PLA2R1: variants seen among roughly 807,000 people sequenced by gnomAD.
PLA2R1 encodes secretory phospholipase A2 receptor.
In PLA2R1, 158 loss-of-function variants were observed where a neutral mutation model predicts 195.9. That is an observed-to-expected ratio of 0.81 (90% CI 0.71 to 0.92). The LOEUF (loss-of-function observed/expected upper bound fraction) is 0.92, where lower values mean the gene tolerates loss of function less well. PLA2R1 is among the 40% of genes least tolerant of loss of function. PLA2R1 has a pLI of 0.00. For synonymous variants in PLA2R1, 586 were observed against 598.2 expected, an observed-to-expected ratio of 0.98 and a Z score of 0.30; for missense variants, 1,626 against 1,764.6, an observed-to-expected ratio of 0.92 and a Z score of 1.41.
chr2:159,986,038 T>C (rs1264298802), intron 12 of PLA2R1, among the ~76,000 whole-genome samples: 1 of 152,096 alleles, frequency 6.6e-6, no homozygotes, highest in African/African-American at 2.4e-5. Context: ...AAGTGGGGCA[T>C]GTGCAGACAA....
intron 1 of PLA2R1, among the ~76,000 whole-genome samples, chr2:160,047,757 G>A (rs909263566): frequency 4.0e-5 from 6 of 149,668 alleles, no homozygotes; most frequent in Middle Eastern, 3.4e-3. Context: ...GTGTAGATGC[G>A]GGAATGGCTG....
In PLA2R1 at chr2:160,054,940, G is replaced by C. The variant is rs72621701; in HGVS notation, c.109+7355C>G. ...GATTACATGAGGATTTGCAGCATTA[G>C]GATTGAGTTCAGAAGAGGCAACACA... On this transcript the variant is annotated intron_variant, in intron 1 of 29. Coordinates refer to ENST00000283243, the MANE Select transcript of PLA2R1 (RefSeq NM_007366.5). Among the ~76,000 whole-genome samples the C allele has an allele frequency of 8.0e-4, 122 of 152,260 alleles. No homozygotes were observed. The East Asian group carries it at 0.022, about 28-fold the overall frequency.
rs1693883953 is a variant in PLA2R1, at chr2:160,032,041, ACTGGCGTGAGCCACTGCAC to A, written c.841+899_841+917del. On this transcript the variant is annotated intron_variant, in intron 4 of 29. Coordinates refer to ENST00000283243, the MANE Select transcript of PLA2R1 (RefSeq NM_007366.5). ...CTTGGCCTCCCAAAGTGCTGGGATT[ACTGGCGTGAGCCACTGCAC>A]CTGGCTGCTGCCACGTTTTTATATA... Among the ~76,000 whole-genome samples the A allele has an allele frequency of 2.6e-5, 4 of 152,276 alleles. No homozygotes were observed. In the South Asian group the frequency reaches 8.3e-4, roughly 31 times the overall value.
At chr2:159,974,749 T>C (rs1689424334) in intron 17 of PLA2R1, among the ~76,000 whole-genome samples, 1 of 152,090 alleles carries the variant, frequency 6.6e-6, no homozygotes, top group Non-Finnish European at 1.5e-5. Context: ...CAACTGAGTG[T>C]CTATGGGACC....
chr2:159,979,947 C>T (rs747583433), intron 13 of PLA2R1, 33 bp from the exon 14 acceptor site: 7 of 1,328,998 alleles, frequency 5.3e-6, no homozygotes, highest in Non-Finnish European at 6.5e-6. Context: ...CTTTGCCTTT[C>T]CCATCAAATT....
chr2:160,044,651 G>T, intron 2 of PLA2R1, 123 bp downstream of exon 2: 1 of 773,188 alleles, frequency 1.3e-6, no homozygotes, highest in Non-Finnish European at 2.1e-6. Flanking sequence ...AATGTATTTA[G>T]CAGAAGTCCC....
intron 17 of PLA2R1, among the ~76,000 whole-genome samples, chr2:159,974,249 C>T (rs912308905): frequency 6.6e-6 from 1 of 152,112 alleles, no homozygotes; most frequent in Non-Finnish European, 1.5e-5. Context: ...CAGGCAGCAC[C>T]GTGTAGGGTT....
At chr2:159,991,131 A>C (rs1476843100) in intron 11 of PLA2R1, among the ~76,000 whole-genome samples, 1 of 152,206 alleles carries the variant, frequency 6.6e-6, no homozygotes, top group Non-Finnish European at 1.5e-5. Context: ...GAATAAATGA[A>C]TGAATGAGTT....
At chr2:159,997,980 T>C (rs1344384073) in intron 11 of PLA2R1, among the ~76,000 whole-genome samples, 2 of 152,084 alleles carry the variant, frequency 1.3e-5, no homozygotes, top group Admixed American at 6.6e-5. Flanking sequence ...ATCTCTCTCT[T>C]TTTTCTTTTT....
chr2:160,043,968 G>A (rs545311709), intron 2 of PLA2R1, among the ~76,000 whole-genome samples: 1 of 152,278 alleles, frequency 6.6e-6, no homozygotes, highest in African/African-American at 2.4e-5. Flanking sequence ...TGTAAACCAG[G>A]TGCCTAGTCC....
chr2:159,983,501 T>C (rs559467247), intron 13 of PLA2R1, among the ~76,000 whole-genome samples: 3 of 150,984 alleles, frequency 2.0e-5, no homozygotes, highest in African/African-American at 4.9e-5. Context: ...TCCAATTATA[T>C]ACAAAATAAT....
rs1252328953 is a variant in PLA2R1 at position 159,937,902 on chromosome 2, A to C, written c.*3876T>G. 1 of 152,216 alleles carries C rather than the reference A, an allele frequency of 6.6e-6. No homozygotes were observed. Among genetic ancestry groups the C allele is most frequent in the African/African-American group, 2.4e-5 (1 of 41,464 alleles). The allele number at this position is 152,216 out of a possible 1,614,324, so 9.4% of individuals were successfully genotyped here. On this transcript the variant is annotated 3_prime_UTR_variant, in exon 30 of 30. Transcript: ENST00000283243. ...AAGCTTCACTGACATCAATACTTCGAATATTTTTCTTTGGAGCCATGGAGG... is the reference window on the plus strand; with the variant it reads ...AAGCTTCACTGACATCAATACTTCGCATATTTTTCTTTGGAGCCATGGAGG...
chr2:159,941,729 T>A lies in PLA2R1; in HGVS notation c.*49A>T. 2.1e-6 allele frequency: 2 copies of A among 968,088 alleles called. No homozygotes were observed. The highest frequency in any genetic ancestry group is 3.3e-6 in the Non-Finnish European group (2 of 607,072). The allele number at this position is 968,088 out of a possible 1,614,324, so 60.0% of individuals were successfully genotyped here. On this transcript the variant is annotated 3_prime_UTR_variant, in exon 30 of 30. Transcript: ENST00000283243. Reference sequence around the variant, plus strand: ...GGGAAAGACAGATGAGACTCCTGTTTAGTCTTCTTTACTTACCCTGGTGTC... The same window carrying A: ...GGGAAAGACAGATGAGACTCCTGTTAAGTCTTCTTTACTTACCCTGGTGTC...
At chr2:159,959,001 G>T (rs1320909287) in intron 20 of PLA2R1, among the ~76,000 whole-genome samples, 4 of 152,184 alleles carry the variant, frequency 2.6e-5, no homozygotes, top group African/African-American at 9.7e-5. Flanking sequence ...CTAGCTTGAG[G>T]TTGAGTTGCC....
At chr2:160,017,958 T>C (rs558562043) in intron 8 of PLA2R1, among the ~76,000 whole-genome samples, 1 of 152,332 alleles carries the variant, frequency 6.6e-6, no homozygotes, top group East Asian at 1.9e-4. Context: ...TAAGAACTGT[T>C]AGATGAATGG....
chr2:159,997,361 GTTGCAGAT>G (rs1179898787), intron 11 of PLA2R1, among the ~76,000 whole-genome samples: 2 of 152,100 alleles, frequency 1.3e-5, no homozygotes, highest in African/African-American at 2.4e-5. Flanking sequence ...GCTGGCTGGA[GTTGCAGAT>G]TTCCCTTCCT....
chr2:160,013,701 CTGTCTCTCTCTCTCTCTCTCTGTGTG>C (rs1474765926), intron 9 of PLA2R1, among the ~76,000 whole-genome samples: 1 of 131,212 alleles, frequency 7.6e-6, no homozygotes, highest in African/African-American at 2.9e-5. Context: ...CTCTCTCTCT[CTGTCTCTCTCTCTCTCTCTCTGTGTG>C]TGTGTGTGTG....
At chr2:160,054,767 A>C (rs1228184315) in intron 1 of PLA2R1, among the ~76,000 whole-genome samples, 1 of 152,228 alleles carries the variant, frequency 6.6e-6, no homozygotes, top group Non-Finnish European at 1.5e-5. Context: ...TTTATGAACA[A>C]TAATATTTCT....
intron 6 of PLA2R1, among the ~76,000 whole-genome samples, chr2:160,024,642 G>A (rs769181049): frequency 2.8e-4 from 43 of 152,160 alleles, no homozygotes; most frequent in Admixed American, 5.2e-4. Context: ...ATGGGGGAAT[G>A]GGTGCCTTGG....
Sources: allele counts gnomAD v4.1 joint callset (sites outside exome capture counted in the v4.1 genomes callset), GRCh38; gene constraint gnomAD v4.1.1; transcripts MANE v1.5; gene names NCBI Gene and HGNC (gene_info 2026-07-23, HGNC 2026-07-21).